SEH1L: variants seen among roughly 807,000 people sequenced by gnomAD.
SEH1L encodes nucleoporin SEH1.
A neutral mutation model predicts 49.5 loss-of-function variants in SEH1L; 18 were observed. The observed-to-expected ratio is 0.36, with a 90% CI of 0.25 to 0.54. The LOEUF is 0.54. SEH1L is among the 20% of genes least tolerant of loss of function. The pLI is 0.87. For synonymous variants in SEH1L, 169 were observed against 178.1 expected, an observed-to-expected ratio of 0.95 and a Z score of 0.41; for missense variants, 404 against 528.8, an observed-to-expected ratio of 0.76 and a Z score of 2.31.
intron 1 of SEH1L, among the ~76,000 whole-genome samples, chr18:12,949,442 G>GTTTTTTTTTTTTTTTTTTTTT (rs71174155): frequency 1.9e-5 from 1 of 51,796 alleles, no homozygotes; most frequent in Non-Finnish European, 3.5e-5. Flanking sequence ...TACGTTAACC[G>GTTTTTTTTTTTTTTTTTTTTT]TTTTTTTTTT....
At chr18:12,960,056 G>T (rs1373337204) in intron 3 of SEH1L, among the ~76,000 whole-genome samples, 2 of 152,214 alleles carry the variant, frequency 1.3e-5, no homozygotes, top group African/African-American at 2.4e-5. Flanking sequence ...CAGTGGAAAA[G>T]TCTGTGTTTC....
At chr18:12,963,924 A>T (rs1045189659) in intron 4 of SEH1L, among the ~76,000 whole-genome samples, 2 of 152,122 alleles carry the variant, frequency 1.3e-5, no homozygotes, top group African/African-American at 4.8e-5. Context: ...TGTTGGCCAG[A>T]CTGGTCTTGA....
At chr18:12,980,803 C>T (rs548625649) in intron 6 of SEH1L, among the ~76,000 whole-genome samples, 5 of 87,678 alleles carry the variant, frequency 5.7e-5, no homozygotes, top group Non-Finnish European at 9.3e-5. Flanking sequence ...CCGGACGGGG[C>T]GGCTGGCCGG....
chr18:12,958,430 C>T (rs1041173181), intron 3 of SEH1L, among the ~76,000 whole-genome samples: 5 of 152,236 alleles, frequency 3.3e-5, no homozygotes, highest in South Asian at 2.1e-4. Context: ...GAATTAATTA[C>T]GTTCACAGTG....
chr18:12,978,294 G>A (rs532272626), intron 5 of SEH1L: 52 of 153,250 alleles, frequency 3.4e-4, no homozygotes, highest in South Asian at 6.2e-4. Flanking sequence ...TCTGGAGGTC[G>A]GAAGTCTGAA....
intron 8 of SEH1L, chr18:12,984,618 A>C (rs2032395237): frequency 6.4e-6 from 1 of 156,298 alleles, no homozygotes. Context: ...AAGAGGGTAC[A>C]TTAAGTTATT....
At chr18:12,981,024 CG>C (rs1416325914) in intron 6 of SEH1L, among the ~76,000 whole-genome samples, 1 of 148,442 alleles carries the variant, frequency 6.7e-6, no homozygotes, top group Non-Finnish European at 1.5e-5. Flanking sequence ...ACTTCTCAGA[CG>C]GTGTGGCTGC....
chr18:12,984,327 T>C (rs1201497529), intron 8 of SEH1L, 137 bp downstream of exon 8: 1 of 961,080 alleles, frequency 1.0e-6, no homozygotes, highest in Non-Finnish European at 1.6e-6. Flanking sequence ...ATTTAAGAAT[T>C]CATTTTGTTA....
chr18:12,981,416 T>G (rs2032253127), intron 6 of SEH1L, among the ~76,000 whole-genome samples: 1 of 152,138 alleles, frequency 6.6e-6, no homozygotes, highest in Admixed American at 6.5e-5. Context: ...TGGGCACCAT[T>G]GAGCACTGAG....
intron 4 of SEH1L, 101 bp from the exon 5 acceptor site, chr18:12,971,052 T>G: frequency 2.6e-6 from 2 of 776,922 alleles, no homozygotes; most frequent in Non-Finnish European, 4.5e-6. Context: ...TGTGACAGGC[T>G]AACTGTAAGC....
chr18:12,967,117 G>A (rs900885191), intron 4 of SEH1L, among the ~76,000 whole-genome samples: 5 of 152,252 alleles, frequency 3.3e-5, no homozygotes, highest in Admixed American at 2.6e-4. Flanking sequence ...CATTTGCACT[G>A]GCAATGTTCT....
intron 2 of SEH1L, among the ~76,000 whole-genome samples, chr18:12,952,294 G>A (rs1385113903): frequency 1.3e-5 from 2 of 150,002 alleles, no homozygotes; most frequent in African/African-American, 2.5e-5. Context: ...GTGCAGTGGC[G>A]TGATCTTGGC....
chr18:12,951,755 T>C, intron 1 of SEH1L, 100 bp from the exon 2 acceptor site: 2 of 719,272 alleles, frequency 2.8e-6, no homozygotes, highest in South Asian at 1.6e-5. Context: ...TTGTTAACTA[T>C]ATGTTCACCG....
intron 2 of SEH1L, 52 bp from the exon 3 acceptor site, chr18:12,955,411 G>T (rs925154706): frequency 2.6e-5 from 39 of 1,525,236 alleles, no homozygotes; most frequent in South Asian, 3.7e-5. Context: ...GAAAAAAGAA[G>T]CCCTGGGATA....
chr18:12,961,172 G>A (rs2031158102), intron 3 of SEH1L, among the ~76,000 whole-genome samples: 1 of 152,158 alleles, frequency 6.6e-6, no homozygotes, highest in African/African-American at 2.4e-5. Context: ...TTGCGCAGAT[G>A]CTCACTTGAG....
chr18:12,953,723 A>AT (rs1446583797), intron 2 of SEH1L, among the ~76,000 whole-genome samples: 3 of 152,190 alleles, frequency 2.0e-5, no homozygotes, highest in Non-Finnish European at 2.9e-5. Context: ...ATTAATTGGC[A>AT]TTTACTTCAT....
rs1488578326 is a variant in SEH1L at position 12,982,535 on chromosome 18, C to T, written c.779C>T (p.Ser260Phe). 1 of 1,610,674 alleles carries T rather than the reference C, an allele frequency of 6.2e-7. No homozygotes were observed. The highest frequency in any genetic ancestry group is 8.5e-7 in the Non-Finnish European group (1 of 1,179,080). The part of the protein sequence containing the change: ...LKPVRKELTS[S>F]GGPTKFEIHI... ...ATTAACAGGAAAGAACTGACTTCCTCTGGTGGGCCAACAAAGTTTGAAATC... is the reference window on the plus strand; with the variant it reads ...ATTAACAGGAAAGAACTGACTTCCTTTGGTGGGCCAACAAAGTTTGAAATC... The change falls in exon 7 of 9, where the codon TCT becomes TTT. Residue 260 changes from serine (S) to phenylalanine (F), a missense_variant. Physicochemically the swap from Ser to Phe is radical, Grantham distance 155. Coordinates refer to ENST00000399892, the MANE Select transcript of SEH1L (RefSeq NM_001013437.2).
chr18:12,987,116 G>A lies in SEH1L; in HGVS notation c.*59G>A. 1 of 1,250,124 alleles carries A rather than the reference G, an allele frequency of 8.0e-7. No homozygotes were observed. The highest frequency in any genetic ancestry group is 1.1e-6 in the Non-Finnish European group (1 of 907,732). 77.4% of individuals were successfully genotyped at this position (1,250,124 alleles called of 1,614,324 possible). A position where few individuals can be genotyped will look rare whatever the true frequency, so the allele number is the denominator to read the frequency against. ...GTGCTTGTAAATGCTTTCATTTCTG[G>A]CTGCTTTTTGTTTTTCATTTTCTTT... On this transcript the variant is annotated 3_prime_UTR_variant, in exon 9 of 9. Coordinates refer to ENST00000399892, the MANE Select transcript of SEH1L (RefSeq NM_001013437.2).
At chr18:12,951,977 T>G (rs947094017) in intron 2 of SEH1L, 72 bp downstream of exon 2, 50 of 876,116 alleles carry the variant, frequency 5.7e-5, no homozygotes, top group Non-Finnish European at 6.3e-5. Flanking sequence ...ATCTATGAAT[T>G]GTTTTGAGAA....
Sources: allele counts gnomAD v4.1 joint callset (sites outside exome capture counted in the v4.1 genomes callset), GRCh38; gene constraint gnomAD v4.1.1; transcripts MANE v1.5; gene names NCBI Gene and HGNC (gene_info 2026-07-23, HGNC 2026-07-21).